ZMIZ1: variants seen among roughly 807,000 people sequenced by gnomAD.
The protein encoded by ZMIZ1 is zinc finger MIZ domain-containing protein 1.
A neutral mutation model predicts 113.9 loss-of-function variants in ZMIZ1; 17 were observed. The observed-to-expected ratio is 0.15, with a 90% CI of 0.10 to 0.22. ZMIZ1 has a LOEUF of 0.22. Ranked by LOEUF, ZMIZ1 falls within the 10% of genes least tolerant of loss-of-function variation. ZMIZ1 has a pLI of 1.00. For missense variants in ZMIZ1, 1,059 were observed against 1,477.8 expected, an observed-to-expected ratio of 0.72 and a Z score of 4.65; for synonymous variants, 607 against 603.1, an observed-to-expected ratio of 1.01 and a Z score of -0.09.
chr10:79,289,268 C>A (rs940249677), intron 8 of ZMIZ1, among the ~76,000 whole-genome samples: 3 of 152,090 alleles, frequency 2.0e-5, no homozygotes, highest in Non-Finnish European at 2.9e-5. Context: ...GCCTGCATTC[C>A]CATGGCCCAG....
chr10:79,228,238 A>C (rs1006007856), intron 7 of ZMIZ1, among the ~76,000 whole-genome samples: 4 of 152,270 alleles, frequency 2.6e-5, no homozygotes, highest in South Asian at 4.1e-4. Flanking sequence ...CCCATTCTAT[A>C]GATTAGGAAA....
In ZMIZ1 at chr10:79,269,879, C is replaced by T. The variant is rs974890399; in HGVS notation, c.281-7302C>T. ...AGCCTTTCCCAGGTGCCCAGGTGAG[C>T]GTACCTGCTCCCCGTGACACCCGAC... On this transcript the variant is annotated intron_variant, in intron 7 of 24. Coordinates refer to ENST00000334512, the MANE Select transcript of ZMIZ1 (RefSeq NM_020338.4). Among the ~76,000 whole-genome samples, 3 of 152,328 alleles carry T rather than the reference C, an allele frequency of 2.0e-5. No individual in the cohort carries two copies. The South Asian group carries it at 6.2e-4, about 32-fold the overall frequency.
intron 3 of ZMIZ1, among the ~76,000 whole-genome samples, chr10:79,152,453 T>TC (rs768013381): frequency 2.0e-5 from 3 of 152,192 alleles, no homozygotes; most frequent in South Asian, 2.1e-4. Context: ...TGATCAGAGA[T>TC]TACACCACTG....
Position 79,069,467 on chromosome 10 carries a change from G to A in ZMIZ1, c.-337+197G>A, listed in dbSNP as rs2132135771. Among the ~76,000 whole-genome samples, 1 of 151,508 alleles carries A rather than the reference G, an allele frequency of 6.6e-6. No homozygotes were observed. Among genetic ancestry groups the A allele is most frequent in the African/African-American group, 2.4e-5 (1 of 41,426 alleles). On this transcript the variant is annotated intron_variant, in intron 1 of 24. Transcript: ENST00000334512. This position sits in a 1 kb window ranked among gnomAD's most constrained non-coding sequence, Gnocchi z 4.6. ...GCCGGGGGCCGAGGCCCGGCGGCCG[G>A]CGAGCTCCCGGCTGCGCGGAGCCGG...
intron 19 of ZMIZ1, among the ~76,000 whole-genome samples, chr10:79,304,752 G>A (rs1854564968): frequency 6.6e-6 from 1 of 152,234 alleles, no homozygotes; most frequent in South Asian, 2.1e-4. Flanking sequence ...CTGTGGGCAA[G>A]AGGATGGTCT....
At chr10:79,272,749 G>T (rs1852026209) in intron 7 of ZMIZ1, among the ~76,000 whole-genome samples, 1 of 152,218 alleles carries the variant, frequency 6.6e-6, no homozygotes, top group Admixed American at 6.5e-5. Context: ...AGAGGTGAGG[G>T]GAGCTCAGTG....
chr10:79,216,148 C>G, intron 6 of ZMIZ1, 21 bp from the exon 7 acceptor site: 3 of 1,466,304 alleles, frequency 2.0e-6, no homozygotes, highest in Non-Finnish European at 1.8e-6. Flanking sequence ...CTCACCTGCC[C>G]TCCTCCCCTC....
chr10:79,220,258 G>A (rs1362312420), intron 7 of ZMIZ1, among the ~76,000 whole-genome samples: 1 of 152,196 alleles, frequency 6.6e-6, no homozygotes, highest in African/African-American at 2.4e-5. Context: ...TGGGGGCCAA[G>A]TAAATATGAC....
At chr10:79,102,638 G>T (rs1375345870) in intron 1 of ZMIZ1, among the ~76,000 whole-genome samples, 3 of 152,232 alleles carry the variant, frequency 2.0e-5, no homozygotes, top group Non-Finnish European at 4.4e-5. Context: ...TCCCTTCCCT[G>T]GTCTGGCTGG....
chr10:79,296,741 G>A lies in ZMIZ1; in HGVS notation c.1413+88G>A. 3.0e-6 allele frequency: 4 copies of A among 1,334,262 alleles called. No homozygotes were observed. The highest frequency in any genetic ancestry group is 5.2e-5 in the Admixed American group (2 of 38,210). The allele number at this position is 1,334,262 out of a possible 1,614,324, so 82.7% of individuals were successfully genotyped here. On this transcript the variant is annotated intron_variant, in intron 13 of 24. Transcript: ENST00000334512. This position sits in a 1 kb window ranked among gnomAD's most constrained non-coding sequence, Gnocchi z 4.1. ...ACTCCACCGGGATCACTCTGACCCT[G>A]CGTGTGTTTGCCCCAAGGACAGCGA...
At chr10:79,152,586 G>A (rs561274953) in intron 3 of ZMIZ1, among the ~76,000 whole-genome samples, 5 of 152,244 alleles carry the variant, frequency 3.3e-5, no homozygotes, top group African/African-American at 1.2e-4. Context: ...AGGCTTGAAA[G>A]CTCTAGTCTG....
At chr10:79,254,538 G>A (rs1359985671) in intron 7 of ZMIZ1, among the ~76,000 whole-genome samples, 1 of 152,230 alleles carries the variant, frequency 6.6e-6, no homozygotes, top group Admixed American at 6.5e-5. Flanking sequence ...GGCCTGGCCC[G>A]CTGGTCTCTA....
chr10:79,270,934 AAAG>A (rs778618102), intron 7 of ZMIZ1, among the ~76,000 whole-genome samples: 4 of 152,110 alleles, frequency 2.6e-5, no homozygotes, highest in Non-Finnish European at 4.4e-5. Context: ...TGTCCTAGGG[AAAG>A]AAGAAGTAAT....
chr10:79,089,646 A>G (rs1251796461), intron 1 of ZMIZ1, among the ~76,000 whole-genome samples: 2 of 152,018 alleles, frequency 1.3e-5, no homozygotes, highest in East Asian at 3.9e-4. Flanking sequence ...AATCCCAGGG[A>G]GGATGTGTCA....
chr10:79,129,212 C>A (rs1286815163), intron 2 of ZMIZ1, among the ~76,000 whole-genome samples: 1 of 152,184 alleles, frequency 6.6e-6, no homozygotes, highest in Admixed American at 6.5e-5. Flanking sequence ...GCTCTGAGTT[C>A]CAGATGAGGA....
At chr10:79,070,125 G>A (rs1589236718) in intron 1 of ZMIZ1, among the ~76,000 whole-genome samples, 1 of 151,432 alleles carries the variant, frequency 6.6e-6, no homozygotes, top group Non-Finnish European at 1.5e-5. Flanking sequence ...GAGGTTGGGG[G>A]GCCGGGGCTG....
chr10:79,180,652 C>T (rs1006584701), intron 4 of ZMIZ1, among the ~76,000 whole-genome samples: 1 of 152,232 alleles, frequency 6.6e-6, no homozygotes, highest in African/African-American at 2.4e-5. Flanking sequence ...CCCAAGCAAA[C>T]ACCACCACCT....
At chr10:79,091,501 G>A (rs1183624475) in intron 1 of ZMIZ1, among the ~76,000 whole-genome samples, 1 of 152,202 alleles carries the variant, frequency 6.6e-6, no homozygotes, top group Non-Finnish European at 1.5e-5. Context: ...TAGCTGCAAG[G>A]AGTACTGAAA....
Position 79,118,398 on chromosome 10 carries a change from C to T in ZMIZ1, c.-336-517C>T, listed in dbSNP as rs1436030923. The stretch of plus-strand genomic sequence containing the variant: ...CAATGTCCAGGAGCTGGGCCTGGAG[C>T]GGGAGAGTGTCCTGTGGGAAGCGGG... On this transcript the variant is annotated intron_variant, in intron 1 of 24. Transcript: ENST00000334512. This position sits in a 1 kb window ranked among gnomAD's most constrained non-coding sequence, Gnocchi z 4.1. Among the ~76,000 whole-genome samples the T allele has an allele frequency of 1.3e-5, 2 of 152,148 alleles. No individual in the cohort carries two copies. The highest frequency in any genetic ancestry group is 4.8e-5 in the African/African-American group (2 of 41,438).
Sources: allele counts gnomAD v4.1 joint callset (sites outside exome capture counted in the v4.1 genomes callset), GRCh38; gene constraint gnomAD v4.1.1; non-coding constraint Gnocchi (gnomAD v3.1); transcripts MANE v1.5; gene names NCBI Gene and HGNC (gene_info 2026-07-23, HGNC 2026-07-21).